Variants in THAP6 observed in about 807,000 individuals in gnomAD.
THAP6 encodes the protein THAP domain containing 6.
Under a neutral mutation model 20.0 loss-of-function variants are expected in THAP6, and 13 were observed. The ratio of observed to expected loss-of-function variants is 0.65; its 90% CI spans 0.42 to 1.03. The LOEUF is 1.03. THAP6 is among the 50% of genes least tolerant of loss of function. THAP6 has a pLI of 0.00. For synonymous variants in THAP6, 93 were observed against 92.2 expected (o/e 1.01, Z -0.05); for missense variants, 262 against 261.6 (o/e 1.00, Z -0.01).
intron 3 of THAP6, among the ~76,000 whole-genome samples, chr4:75,518,787 C>T (rs942271599): frequency 6.6e-6 from 1 of 152,206 alleles, no homozygotes; most frequent in African/African-American, 2.4e-5. Flanking sequence ...AATCCTACAT[C>T]TTCCAGAGAA....
At chr4:75,519,446 T>C (rs1219971538) in intron 3 of THAP6, among the ~76,000 whole-genome samples, 2 of 151,796 alleles carry the variant, frequency 1.3e-5, no homozygotes, top group Non-Finnish European at 2.9e-5. Flanking sequence ...TCATCTAGCA[T>C]TAGGTATATC....
chr4:75,544,210 C>G (rs1727075418), intron 3 of THAP6: 1 of 152,208 alleles, frequency 6.6e-6, no homozygotes, highest in African/African-American at 2.4e-5. Context: ...CACCCTCACT[C>G]TCTCCCCTCC....
intron 4 of THAP6, among the ~76,000 whole-genome samples, chr4:75,525,454 A>G (rs1267535497): frequency 6.6e-6 from 1 of 152,300 alleles, no homozygotes; most frequent in South Asian, 2.1e-4. Context: ...CACATCAGTT[A>G]TCTGTAGATA....
chr4:75,527,576 C>A lies in THAP6; in HGVS notation c.*362C>A, dbSNP rs1434617974. ...CCAGATATTTGGCTTCAAAGGAGTA[C>A]CTTTACTTACATGTGCTTTATGGTA... On this transcript the variant is annotated 3_prime_UTR_variant, in exon 5 of 5. Coordinates refer to ENST00000311638, the MANE Select transcript of THAP6 (RefSeq NM_144721.6). 9.6e-7 allele frequency: 1 copy of A among 1,041,296 alleles called. No individual in the cohort carries two copies. Among genetic ancestry groups the A allele is most frequent in the Non-Finnish European group, 1.2e-6 (1 of 863,976 alleles). The allele number at this position is 1,041,296 out of a possible 1,614,324, so 64.5% of individuals were successfully genotyped here. A position where few individuals can be genotyped will look rare whatever the true frequency, so the allele number is the denominator to read the frequency against.
intron 4 of THAP6, among the ~76,000 whole-genome samples, chr4:75,523,053 T>C (rs1726130722): frequency 6.6e-6 from 1 of 152,218 alleles, no homozygotes; most frequent in African/African-American, 2.4e-5. Context: ...GTGGTTGTAC[T>C]AATTTCCCCC....
chr4:75,517,340 T>C (rs949840553), intron 3 of THAP6: 1 of 172,298 alleles, frequency 5.8e-6, no homozygotes, highest in Non-Finnish European at 1.3e-5. Context: ...ATGATACTAT[T>C]GAAGAACCTT....
chr4:75,534,120 A>G (rs1036275047), downstream of THAP6, among the ~76,000 whole-genome samples: 3 of 152,196 alleles, frequency 2.0e-5, no homozygotes, highest in Admixed American at 6.5e-5. Flanking sequence ...ATAGTATTCT[A>G]TGGTGTATAT....
chr4:75,528,134 A>C lies in THAP6; in HGVS notation c.*920A>C. 2.0e-6 allele frequency: 2 copies of C among 985,148 alleles called. No homozygotes were observed. Among genetic ancestry groups the C allele is most frequent in the South Asian group, 9.4e-5 (2 of 21,280 alleles). 61.0% of individuals were successfully genotyped at this position (985,148 alleles called of 1,614,324 possible). A position where few individuals can be genotyped will look rare whatever the true frequency, so the allele number is the denominator to read the frequency against. Reference sequence around the variant, plus strand: ...TTAATAACTGTGGCTCTTCCAGTTGAAATAGGAATTGGAGAGAAAGGATTA... The same window carrying C: ...TTAATAACTGTGGCTCTTCCAGTTGCAATAGGAATTGGAGAGAAAGGATTA... On this transcript the variant is annotated 3_prime_UTR_variant, in exon 5 of 5. Transcript: ENST00000311638.
At chr4:75,532,216 G>A (rs1726702496), downstream of THAP6, among the ~76,000 whole-genome samples, 1 of 152,178 alleles carries the variant, frequency 6.6e-6, no homozygotes. Flanking sequence ...ATTCAAATGG[G>A]AGAAATTGGC....
rs370891368 is a variant in THAP6, at chr4:75,546,262, C to T, written c.244-3343C>T. 5.9e-5 allele frequency among the ~76,000 whole-genome samples: 9 copies of T among 152,224 alleles called. No individual in the cohort carries two copies. In the East Asian group the frequency reaches 9.7e-4, roughly 16 times the overall value. ...CACTATGAGATTCTCCCCAAAATCCCGATGTTCAGCCTCTGGGTGAAGGAC... is the reference window on the plus strand; with the variant it reads ...CACTATGAGATTCTCCCCAAAATCCTGATGTTCAGCCTCTGGGTGAAGGAC... On this transcript the variant is annotated intron_variant, in intron 3 of 4. Coordinates refer to the THAP6 transcript ENST00000502620.
Position 75,542,478 on chromosome 4 carries a change from A to AT in THAP6, c.238dup (p.Tyr80LeufsTer2), listed in dbSNP as rs1560553554. 1 of 702,430 alleles carries AT rather than the reference A, an allele frequency of 1.4e-6. No homozygotes were observed. The highest frequency in any genetic ancestry group is 2.7e-5 in the East Asian group (1 of 37,278). 43.5% of individuals were successfully genotyped at this position (702,430 alleles called of 1,614,324 possible). ...TTTCTCAGTAACCATCATAGCTAAC[A>AT]TTTATAAGGTGCCAATCTTTATTCA... On this transcript the variant is annotated frameshift_variant, in exon 3 of 5. Coordinates refer to the THAP6 transcript ENST00000502620. LOFTEE classifies it high-confidence loss of function.
At chr4:75,545,237 G>A (rs373363730) in intron 3 of THAP6, among the ~76,000 whole-genome samples, 10 of 152,126 alleles carry the variant, frequency 6.6e-5, no homozygotes, top group African/African-American at 2.2e-4. Context: ...AGCACAGCGC[G>A]GATTCACCCC....
chr4:75,517,461 T>G (rs1054622166), intron 3 of THAP6: 3 of 153,158 alleles, frequency 2.0e-5, no homozygotes, highest in African/African-American at 7.2e-5. Flanking sequence ...GTAGGAGTAT[T>G]TTACCAGTAA....
intron 3 of THAP6, among the ~76,000 whole-genome samples, chr4:75,519,325 CTTTTT>C (rs35497751): frequency 7.0e-6 from 1 of 142,294 alleles, no homozygotes; most frequent in Non-Finnish European, 1.5e-5. Context: ...TGGGGCACAT[CTTTTT>C]TTTTTTTTTA....
In THAP6 at chr4:75,528,900, A is replaced by G. The variant is rs917834909; in HGVS notation, c.*1686A>G. 1.7e-6 allele frequency: 1 copy of G among 599,986 alleles called. No individual in the cohort carries two copies. Among genetic ancestry groups the G allele is most frequent in the Admixed American group, 6.3e-5 (1 of 15,768 alleles). The allele number at this position is 599,986 out of a possible 1,614,324, so 37.2% of individuals were successfully genotyped here. ...CCCATCTCTGCTAAAAATACAAAAA[A>G]AAATTAGCCGGGCATGGTGGCACGT... On this transcript the variant is annotated 3_prime_UTR_variant, in exon 5 of 5. Coordinates refer to ENST00000311638, the MANE Select transcript of THAP6 (RefSeq NM_144721.6).
rs1725467884 is a variant in THAP6, at chr4:75,515,141, G to GA, written c.-20-292_-20-291insA. 1.2e-5 allele frequency: 3 copies of GA among 256,596 alleles called. No individual in the cohort carries two copies. In the East Asian group the frequency reaches 2.1e-4, roughly 18 times the overall value. 15.9% of individuals were successfully genotyped at this position (256,596 alleles called of 1,614,324 possible). On this transcript the variant is annotated intron_variant, in intron 1 of 4. Coordinates refer to ENST00000311638, the MANE Select transcript of THAP6 (RefSeq NM_144721.6). ...AGGGCTGAAAGATGGGTAGGAGTTA[G>GA]TGTGCAAAAGGCTTTGTGGCACAAA...
At chr4:75,541,822 A>G (rs1362412591) in intron 2 of THAP6, among the ~76,000 whole-genome samples, 1 of 152,036 alleles carries the variant, frequency 6.6e-6, no homozygotes, top group Non-Finnish European at 1.5e-5. Context: ...TGGGCATGGT[A>G]GCAGGCACCT....
chr4:75,536,846 T>C (rs1726870804), intron 2 of THAP6, among the ~76,000 whole-genome samples: 1 of 152,072 alleles, frequency 6.6e-6, no homozygotes, highest in South Asian at 2.1e-4. Flanking sequence ...CTAGTTTAAA[T>C]ACAAAGAATC....
At chr4:75,520,155 T>C (rs535181586) in intron 3 of THAP6, among the ~76,000 whole-genome samples, 2 of 152,334 alleles carry the variant, frequency 1.3e-5, no homozygotes, top group South Asian at 2.1e-4. Context: ...TCATGTCCTT[T>C]GCCCACTTTT....
Sources: gnomAD v4.1 joint callset for allele counts (sites outside exome capture counted in the v4.1 genomes callset) on GRCh38, gnomAD v4.1.1 for gene constraint, MANE v1.5 for transcripts, NCBI Gene and HGNC (gene_info 2026-07-23, HGNC 2026-07-21) for gene names.